The following PCCA variants were observed in gnomAD, a reference collection of about 807,000 sequenced individuals.
PCCA encodes propionyl-CoA carboxylase subunit alpha.
In PCCA, 74 loss-of-function variants were observed where a neutral mutation model predicts 101.3. The ratio of observed to expected loss-of-function variants is 0.73; its 90% CI spans 0.61 to 0.89. The LOEUF is 0.89. Among genes scored for constraint, PCCA ranks in the 40% least tolerant of loss-of-function variants. PCCA has a pLI of 0.00. For missense variants in PCCA, 891 were observed against 907.0 expected, an observed-to-expected ratio of 0.98 and a Z score of 0.23; for synonymous variants, 294 against 313.6, an observed-to-expected ratio of 0.94 and a Z score of 0.66.
intron 21 of PCCA, among the ~76,000 whole-genome samples, chr13:100,501,911 C>G (rs1566468244): frequency 8.1e-6 from 1 of 123,978 alleles, no homozygotes; most frequent in Non-Finnish European, 1.8e-5. Context: ...AAAATGCACC[C>G]AAACCTGAAT....
intron 20 of PCCA, among the ~76,000 whole-genome samples, chr13:100,426,596 A>G (rs944537870): frequency 6.6e-6 from 1 of 152,204 alleles, no homozygotes; most frequent in Admixed American, 6.5e-5. Flanking sequence ...GGACATCAGA[A>G]TCCACAAAAA....
rs2152833527 is a variant in PCCA, at chr13:100,385,221, C to T, written c.1746+16647C>T. Among the ~76,000 whole-genome samples the T allele has an allele frequency of 2.0e-5, 3 of 152,178 alleles. No individual in the cohort carries two copies. In the Middle Eastern group the frequency reaches 0.01, roughly 518 times the overall value. ...CTTTTACATTGGCAAGAACTTTTTC[C>T]TTGATAAAATTATTTTTCCATTTGA... On this transcript the variant is annotated intron_variant, in intron 19 of 23. Transcript: ENST00000376285.
chr13:100,416,621 C>T (rs541312681), intron 19 of PCCA, among the ~76,000 whole-genome samples: 1 of 152,000 alleles, frequency 6.6e-6, no homozygotes, highest in Admixed American at 6.5e-5. Context: ...CAACCTCCAC[C>T]TGCCGGGTTC....
At chr13:100,217,430 C>T (rs571052313) in intron 7 of PCCA, among the ~76,000 whole-genome samples, 87 of 146,214 alleles carry the variant, frequency 6.0e-4, no homozygotes, top group Middle Eastern at 3.4e-3. Context: ...GGTGACAGAG[C>T]GAGACTCCAT....
intron 18 of PCCA, among the ~76,000 whole-genome samples, chr13:100,361,974 C>T (rs1007275810): frequency 1.3e-5 from 2 of 152,098 alleles, no homozygotes; most frequent in Non-Finnish European, 2.9e-5. Flanking sequence ...TTGTTTATAA[C>T]AGCCCCAAAC....
Position 100,217,726 on chromosome 13 carries a change from G to A in PCCA, c.600+8263G>A, listed in dbSNP as rs181868389. On this transcript the variant is annotated intron_variant, in intron 7 of 23. Transcript: ENST00000376285. ...AAAAATTAGTTGGGCGTGGTGGCAG[G>A]CACCTGTAATGTCAGCTACTTGGGA... Among the ~76,000 whole-genome samples the A allele has an allele frequency of 2.3e-4, 35 of 151,378 alleles. No homozygotes were observed. The East Asian group carries it at 6.6e-3, about 28-fold the overall frequency.
rs763371549 is a variant in PCCA at position 100,301,609 on chromosome 13, A to G, written c.1209+6A>G. ...AATGTCGGGTTTATGCTGAGGTAAA[A>G]TGAATGGTGTTGGGAGGAAGGATGG... On this transcript the variant is annotated splice_donor_region_variant and intron_variant, in intron 13 of 23. Transcript: ENST00000376285. 6.2e-7 allele frequency: 1 copy of G among 1,614,042 alleles called. No individual in the cohort carries two copies. The highest frequency in any genetic ancestry group is 8.5e-7 in the Non-Finnish European group (1 of 1,179,890).
At chr13:100,528,079 C>T (rs566794802) in intron 23 of PCCA, among the ~76,000 whole-genome samples, 54 of 152,260 alleles carry the variant, frequency 3.5e-4, no homozygotes, top group African/African-American at 1.3e-3. Flanking sequence ...TTATCTGAGA[C>T]TTAGGTGACA....
chr13:100,115,864 A>C (rs1247598530), intron 4 of PCCA, among the ~76,000 whole-genome samples: 2 of 152,188 alleles, frequency 1.3e-5, no homozygotes, highest in African/African-American at 2.4e-5. Context: ...TTTATAATAA[A>C]ATTTACCAGA....
intron 21 of PCCA, among the ~76,000 whole-genome samples, chr13:100,450,299 C>G (rs1457119102): frequency 6.6e-6 from 1 of 151,744 alleles, no homozygotes; most frequent in Non-Finnish European, 1.5e-5. Flanking sequence ...GAGGCTGAGG[C>G]AGGAGAATCG....
rs117211019 is a variant in PCCA, at chr13:100,477,823, A to C, written c.1899+28518A>C. On this transcript the variant is annotated intron_variant, in intron 21 of 23. Transcript: ENST00000376285. ...CCTGATTTCTCAGCCTCTTCATGTG[A>C]CTGTCTCCTTGGCTCCTGGGAAAGA... Among the ~76,000 whole-genome samples, 29 of 152,172 alleles carry C rather than the reference A, an allele frequency of 1.9e-4. No homozygotes were observed. In the East Asian group the frequency reaches 5.4e-3, roughly 29 times the overall value.
chr13:100,386,445 G>A (rs1175320770), intron 19 of PCCA, among the ~76,000 whole-genome samples: 4 of 152,002 alleles, frequency 2.6e-5, no homozygotes, highest in Non-Finnish European at 5.9e-5. Flanking sequence ...GCAGTGGCGC[G>A]ATCTCAGCTC....
At chr13:100,319,729 G>A (rs1387742395) in intron 16 of PCCA, among the ~76,000 whole-genome samples, 1 of 152,172 alleles carries the variant, frequency 6.6e-6, no homozygotes, top group Admixed American at 6.5e-5. Context: ...TGCTGCTTTG[G>A]TTACTGTAGC....
rs530488220 is a variant in PCCA at position 100,143,041 on chromosome 13, A to G, written c.301-11938A>G. On this transcript the variant is annotated intron_variant, in intron 4 of 23. Transcript: ENST00000376285. ...CATGGGCTTCAATTCCAAGGAAGGT[A>G]GGAGTTGAGATACAGGTACCCTTCT... 8.5e-5 allele frequency among the ~76,000 whole-genome samples: 13 copies of G among 152,270 alleles called. No homozygotes were observed. In the East Asian group the frequency reaches 2.1e-3, roughly 25 times the overall value.
chr13:100,121,900 A>G (rs899411791), intron 4 of PCCA, among the ~76,000 whole-genome samples: 7 of 152,200 alleles, frequency 4.6e-5, no homozygotes, highest in Admixed American at 2.6e-4. Context: ...AATGTTGAAG[A>G]GGTGAGAGGA....
chr13:100,419,093 C>G (rs1008735898), intron 19 of PCCA, among the ~76,000 whole-genome samples: 1 of 152,002 alleles, frequency 6.6e-6, no homozygotes, highest in South Asian at 2.1e-4. Context: ...TTCCTACTCA[C>G]CCTTCCAGTC....
At chr13:100,352,395 T>A (rs2152780512) in intron 18 of PCCA, among the ~76,000 whole-genome samples, 1 of 138,042 alleles carries the variant, frequency 7.2e-6, no homozygotes, top group African/African-American at 2.6e-5. Context: ...TCAAACAAAA[T>A]AGCCTTTTTT....
At position 100,259,121 on chromosome 13, in the gene PCCA, G is replaced by A. The variant is rs1057204508; in HGVS notation, c.716+1448G>A. 4.6e-5 allele frequency among the ~76,000 whole-genome samples: 7 copies of A among 151,964 alleles called. No individual in the cohort carries two copies. The South Asian group carries it at 6.2e-4, about 14-fold the overall frequency. ...CCCCTTCTTTTCCTCTCTCCCTCTC[G>A]AGGAAGTAATTGGTTTTTACATAAT... is the stretch of plus-strand genomic sequence containing the variant. On this transcript the variant is annotated intron_variant, in intron 9 of 23. Coordinates refer to ENST00000376285, the MANE Select transcript of PCCA (RefSeq NM_000282.4).
At chr13:100,467,434 C>T (rs370469491) in intron 21 of PCCA, among the ~76,000 whole-genome samples, 2 of 152,168 alleles carry the variant, frequency 1.3e-5, no homozygotes, top group East Asian at 1.9e-4. Context: ...TGCAGTGGCA[C>T]AGTCTCCCCT....
Sources: gnomAD v4.1 joint callset for allele counts (sites outside exome capture counted in the v4.1 genomes callset) on GRCh38, gnomAD v4.1.1 for gene constraint, MANE v1.5 for transcripts, NCBI Gene and HGNC (gene_info 2026-07-23, HGNC 2026-07-21) for gene names.